NLRC3: variants seen among roughly 807,000 people sequenced by gnomAD.
NLRC3 encodes the protein NLR family CARD domain-containing protein 3.
In NLRC3, 87 loss-of-function variants were observed where a neutral mutation model predicts 91.6. That is an observed-to-expected ratio of 0.95 (90% CI 0.80 to 1.14). The LOEUF is 1.14. Among genes scored for constraint, NLRC3 ranks in the 50% most tolerant of loss-of-function variants. The probability of loss-of-function intolerance (pLI) is 0.00; values close to 1 mark genes in which losing one functional copy is unlikely to be tolerated. For synonymous variants in NLRC3, 694 were observed against 625.3 expected (o/e 1.11, Z -1.64); for missense variants, 1,577 against 1,418.6 (o/e 1.11, Z -1.79).
At position 3,563,503 on chromosome 16, in the gene NLRC3, G is replaced by C. The variant is rs529198036; in HGVS notation, c.1434C>G (p.Leu478=). ...YGASRRAIFD[L]FTESGVSWPR... Reference sequence around the variant, plus strand: ...GCCAGGATACGCCGCTCTCAGTGAAGAGGTCGAAGATGGCCCTCCTGGATG... The same window carrying C: ...GCCAGGATACGCCGCTCTCAGTGAACAGGTCGAAGATGGCCCTCCTGGATG... The change falls in exon 5 of 20, where the codon CTC becomes CTG. Residue 478 remains leucine, a synonymous_variant. Transcript: ENST00000359128. 28 of 1,599,320 alleles carry C rather than the reference G, an allele frequency of 1.8e-5. No homozygotes were observed. Among genetic ancestry groups the C allele is most frequent in the East Asian group, 1.4e-4 (6 of 44,074 alleles).
intron 9 of NLRC3, among the ~76,000 whole-genome samples, chr16:3,553,590 T>G (rs2039124956): frequency 6.6e-6 from 1 of 152,172 alleles, no homozygotes; most frequent in South Asian, 2.1e-4. Flanking sequence ...CTTTCTGTCT[T>G]TACAGTCTCA....
chr16:3,544,438 C>A, intron 15 of NLRC3, 109 bp from the exon 16 acceptor site: 2 of 735,410 alleles, frequency 2.7e-6, no homozygotes, highest in Non-Finnish European at 2.4e-6. Flanking sequence ...ACACCATAGA[C>A]ACTCCCAGGG....
chr16:3,552,622 C>T (rs1375310303), intron 9 of NLRC3, among the ~76,000 whole-genome samples: 2 of 152,082 alleles, frequency 1.3e-5, no homozygotes, highest in African/African-American at 4.8e-5. Context: ...CCCATCTAGA[C>T]CAGCAGGCTG....
chr16:3,551,364 G>T (rs967902956), intron 10 of NLRC3, among the ~76,000 whole-genome samples: 2 of 119,858 alleles, frequency 1.7e-5, no homozygotes, highest in Admixed American at 8.5e-5. Context: ...ATCCATTCAC[G>T]TACCCATCCA....
rs199476284 is a variant in NLRC3 at position 3,554,618 on chromosome 16, C to G, written c.2184-293G>C. On this transcript the variant is annotated intron_variant, in intron 8 of 19. Transcript: ENST00000359128. ...TCATTACAGCTGAAAGACACAGGAT[C>G]CAAGTGTTGGTGAGAATACAGAGAA... 2.4e-4 allele frequency among the ~76,000 whole-genome samples: 36 copies of G among 152,270 alleles called. No homozygotes were observed. The highest frequency in any genetic ancestry group is 1.6e-3 in the Admixed American group (25 of 15,302).
In NLRC3 at chr16:3,564,195, G is replaced by C. The variant is rs1369555664; in HGVS notation, c.742C>G (p.Leu248Val). 1.2e-6 allele frequency: 2 copies of C among 1,613,414 alleles called. No homozygotes were observed. The highest frequency in any genetic ancestry group is 1.7e-5 in the Admixed American group (1 of 59,996). ...TTGCCACGGATGATGTTGGTGATCA[G>C]GTGGTCCACCGGGATCTCCTTCTTT... The part of the protein sequence containing the change: ...DPKKEIPVDH[L>V]ITNIIRGNLF... The change falls in exon 5 of 20, where the codon CTG becomes GTG. Residue 248 changes from leucine (L) to valine (V), a missense_variant. Coordinates refer to ENST00000359128, the MANE Select transcript of NLRC3 (RefSeq NM_178844.4). The surrounding 1 kb of genome is among the most constrained non-coding windows in gnomAD (Gnocchi z 5.9).
intron 1 of NLRC3, among the ~76,000 whole-genome samples, chr16:3,573,385 C>T (rs1465211622): frequency 6.6e-6 from 1 of 152,226 alleles, no homozygotes; most frequent in African/African-American, 2.4e-5. Context: ...TGAGATCTCA[C>T]TACTCCACTC....
chr16:3,550,406 G>A lies in NLRC3; in HGVS notation c.2435+8C>T, dbSNP rs2038932190. ...AGGGGGAATCGTCACCCTGGCAGGT[G>A]GACTCACTCCAGGCTCTCCAGGCCC... On this transcript the variant is annotated splice_region_variant and intron_variant, in intron 11 of 19. Coordinates refer to ENST00000359128, the MANE Select transcript of NLRC3 (RefSeq NM_178844.4). 1 of 1,594,440 alleles carries A rather than the reference G, an allele frequency of 6.3e-7. No homozygotes were observed. The highest frequency in any genetic ancestry group is 1.1e-5 in the South Asian group (1 of 90,728).
intron 8 of NLRC3, among the ~76,000 whole-genome samples, chr16:3,555,170 C>T (rs938180192): frequency 2.8e-5 from 4 of 144,890 alleles, no homozygotes; most frequent in African/African-American, 1.0e-4. Flanking sequence ...GCAGAGGTTG[C>T]AGTGAGCTAA....
chr16:3,549,228 G>GAA lies in NLRC3; in HGVS notation c.2520-5_2520-4dup. 6.4e-7 allele frequency: 1 copy of GAA among 1,566,118 alleles called. No individual in the cohort carries two copies. On this transcript the variant is annotated splice_region_variant and splice_polypyrimidine_tract_variant and intron_variant, in intron 12 of 19. Transcript: ENST00000359128. ...GACTGATGGAGTTTTCTCGAAGGCT[G>GAA]AAAAAAAAGGAAAGACCTGAGCTTC... is the stretch of plus-strand genomic sequence containing the variant.
chr16:3,544,109 G>A, intron 16 of NLRC3, 137 bp downstream of exon 16: 1 of 612,256 alleles, frequency 1.6e-6, no homozygotes, highest in Admixed American at 2.8e-5. Context: ...AGTTAGCTGA[G>A]ATTATGTCAC....
rs769666384 is a variant in NLRC3 at position 3,563,222 on chromosome 16, T to G, written c.1715A>C (p.His572Pro). The G allele has an allele frequency of 6.2e-7, 1 of 1,602,882 alleles. No individual in the cohort carries two copies. Among genetic ancestry groups the G allele is most frequent in the South Asian group, 1.1e-5 (1 of 89,458 alleles). Residue 572 changes from histidine to proline, a missense_variant, in exon 5 of 20, where the codon CAT becomes CCT. By Grantham distance (77) the His-to-Pro change is moderately conservative (BLOSUM62 -2). Coordinates refer to ENST00000359128, the MANE Select transcript of NLRC3 (RefSeq NM_178844.4). ...GGCCAGCTCGGTGTGCTGCAGCTCA[T>G]GCAGGCAGTGCAACACGTTGATGGC... ...ARAINVLHCL[H>P]ELQHTELARS...
chr16:3,547,487 G>A (rs567442095), intron 15 of NLRC3, among the ~76,000 whole-genome samples: 60 of 152,166 alleles, frequency 3.9e-4, no homozygotes, highest in African/African-American at 1.4e-3. Flanking sequence ...TTGCATCACC[G>A]AATACACTAG....
chr16:3,562,905 G>A (rs1353180617), intron 5 of NLRC3, 104 bp downstream of exon 5: 1 of 1,049,002 alleles, frequency 9.5e-7, no homozygotes. Context: ...CTCTGTTACG[G>A]CAGCCCTAGG....
intron 6 of NLRC3, among the ~76,000 whole-genome samples, chr16:3,558,460 A>G (rs2151095664): frequency 6.6e-6 from 1 of 152,300 alleles, no homozygotes; most frequent in Middle Eastern, 3.4e-3. Flanking sequence ...TGAAAATTTA[A>G]CAATCAGCTT....
chr16:3,553,227 C>T (rs2039104693), intron 9 of NLRC3, among the ~76,000 whole-genome samples: 1 of 152,222 alleles, frequency 6.6e-6, no homozygotes, highest in African/African-American at 2.4e-5. Flanking sequence ...GCCTCTGTCC[C>T]TTTAAGATGT....
rs754060707 is a variant in NLRC3, at chr16:3,562,981, A to AGCCCCT, written c.1928+22_1928+27dup. Reference sequence around the variant, plus strand: ...CTGCTCTCTCCTCTGCCCCTTCCCCAGCCCCTGCCCCCTGCCCTGGTATCC... The same window carrying AGCCCCT: ...CTGCTCTCTCCTCTGCCCCTTCCCCAGCCCCTGCCCCTGCCCCCTGCCCTGGTATCC... On this transcript the variant is annotated intron_variant, in intron 5 of 19. Transcript: ENST00000359128. 5.2e-6 allele frequency: 8 copies of AGCCCCT among 1,543,330 alleles called. No homozygotes were observed. In the East Asian group the frequency reaches 7.3e-5, roughly 14 times the overall value.
chr16:3,560,300 G>A (rs2039546854), intron 6 of NLRC3, among the ~76,000 whole-genome samples: 1 of 152,114 alleles, frequency 6.6e-6, no homozygotes, highest in Non-Finnish European at 1.5e-5. Flanking sequence ...GCATGCGCCT[G>A]TAGTCCCAGC....
intron 16 of NLRC3, 189 bp downstream of exon 16, chr16:3,544,057 C>G (rs543516093): frequency 1.7e-6 from 1 of 573,332 alleles, no homozygotes; most frequent in African/African-American, 1.9e-5. Context: ...GTATGGGAGG[C>G]TGAGGCTTGA....
Sources: gnomAD v4.1 joint callset for allele counts (sites outside exome capture counted in the v4.1 genomes callset) on GRCh38, gnomAD v4.1.1 for gene constraint, Gnocchi (gnomAD v3.1) non-coding constraint, MANE v1.5 for transcripts, NCBI Gene and HGNC (gene_info 2026-07-23, HGNC 2026-07-21) for gene names.